The following GCKR variants were observed in gnomAD, a reference collection of about 807,000 sequenced individuals.
The protein encoded by GCKR is glucokinase regulatory protein.
In GCKR, 73 loss-of-function variants were observed where a neutral mutation model predicts 82.9. The ratio of observed to expected loss-of-function variants is 0.88; its 90% CI spans 0.73 to 1.07. The LOEUF (loss-of-function observed/expected upper bound fraction) is 1.07, where lower values mean the gene tolerates loss of function less well. Ranked by LOEUF, GCKR falls within the 50% of genes least tolerant of loss-of-function variation. The probability of loss-of-function intolerance (pLI) is 0.00; values close to 1 mark genes in which losing one functional copy is unlikely to be tolerated. For synonymous variants in GCKR, 294 were observed against 291.8 expected (o/e 1.01, Z -0.08); for missense variants, 784 against 782.1 (o/e 1.00, Z -0.03).
At chr2:27,521,558 G>T (rs1243143641) in intron 17 of GCKR, among the ~76,000 whole-genome samples, 1 of 147,992 alleles carries the variant, frequency 6.8e-6, no homozygotes, top group African/African-American at 2.5e-5. Context: ...GGCCAGGCTG[G>T]TCTCCAACTC....
chr2:27,507,566 G>T, intron 13 of GCKR, 115 bp from the exon 14 acceptor site: 1 of 744,564 alleles, frequency 1.3e-6, no homozygotes. Flanking sequence ...TTGAACTTCA[G>T]CTCTTTCACC....
chr2:27,512,232 T>A (rs1669901899), intron 16 of GCKR, among the ~76,000 whole-genome samples: 4 of 58,166 alleles, frequency 6.9e-5, no homozygotes, highest in South Asian at 8.8e-4. Flanking sequence ...CAAGACTCCA[T>A]CTCAAAAAAA....
chr2:27,509,169 T>G (rs1308624765), intron 16 of GCKR, among the ~76,000 whole-genome samples: 2 of 151,932 alleles, frequency 1.3e-5, no homozygotes, highest in African/African-American at 4.8e-5. Context: ...CCCTGAAGGG[T>G]TGCTCTGGAG....
chr2:27,521,949 C>T (rs1037553417), intron 17 of GCKR, among the ~76,000 whole-genome samples: 3 of 151,990 alleles, frequency 2.0e-5, no homozygotes, highest in Admixed American at 2.0e-4. Flanking sequence ...GTCTCGAACT[C>T]CTGGGCTCAA....
At chr2:27,523,206 G>T in intron 18 of GCKR, 63 bp from the exon 19 acceptor site, 2 of 1,441,260 alleles carry the variant, frequency 1.4e-6, no homozygotes, top group Non-Finnish European at 9.7e-7. Flanking sequence ...ACCTTCCTCC[G>T]GGGTTCTTTC....
intron 4 of GCKR, among the ~76,000 whole-genome samples, 163 bp downstream of exon 4, chr2:27,498,486 C>A (rs1669479883): frequency 6.6e-6 from 1 of 152,188 alleles, no homozygotes; most frequent in African/African-American, 2.4e-5. Flanking sequence ...ACCATGAAGT[C>A]CCATTTCTTC....
rs981943147 is a variant in GCKR, at chr2:27,523,587, C to T, written c.*148C>T. ...CCCAGGGTAGGGAGAAATATTCTCTCCACTTTGGGGGAGAGTTCTTGCTCT... is the reference window on the plus strand; with the variant it reads ...CCCAGGGTAGGGAGAAATATTCTCTTCACTTTGGGGGAGAGTTCTTGCTCT... On this transcript the variant is annotated 3_prime_UTR_variant, in exon 19 of 19. Transcript: ENST00000264717. 8.7e-5 allele frequency: 65 copies of T among 749,580 alleles called. No homozygotes were observed. Among genetic ancestry groups the T allele is most frequent in the Admixed American group, 1.5e-4 (7 of 47,310 alleles). 46.4% of individuals were successfully genotyped at this position (749,580 alleles called of 1,614,324 possible).
chr2:27,518,629 G>A (rs912993677), intron 16 of GCKR, among the ~76,000 whole-genome samples, 159 bp from the exon 17 acceptor site: 1 of 152,180 alleles, frequency 6.6e-6, no homozygotes, highest in Admixed American at 6.5e-5. Flanking sequence ...TACATCTATT[G>A]CCCTAACATT....
intron 14 of GCKR, 22 bp downstream of exon 14, chr2:27,507,799 G>A (rs200962565): frequency 1.4e-6 from 2 of 1,391,598 alleles, no homozygotes; most frequent in East Asian, 4.6e-5. Flanking sequence ...GATGGGAGTG[G>A]TGAGGGGTGG....
intron 8 of GCKR, chr2:27,501,610 T>C (rs1262651989): frequency 1.2e-5 from 5 of 413,862 alleles, no homozygotes; most frequent in Non-Finnish European, 2.5e-5. Context: ...TTCAAAGTAG[T>C]AGTAGTGGGT....
chr2:27,523,264 C>T lies in GCKR; in HGVS notation c.1708-5C>T. On this transcript the variant is annotated splice_polypyrimidine_tract_variant and splice_region_variant and intron_variant, in intron 18 of 18. Coordinates refer to ENST00000264717, the MANE Select transcript of GCKR (RefSeq NM_001486.4). ...GCTTCAGTGCCCACTGCCTCTTCCC[C>T]ACAGGTGATACCCATCGCCTTGCTG... is the stretch of plus-strand genomic sequence containing the variant. 2 of 1,611,250 alleles carry T rather than the reference C, an allele frequency of 1.2e-6. No homozygotes were observed. Among genetic ancestry groups the T allele is most frequent in the Non-Finnish European group, 1.7e-6 (2 of 1,178,788 alleles).
Position 27,498,798 on chromosome 2 carries a change from G to GT in GCKR, c.428+2dup. 6.4e-7 allele frequency: 1 copy of GT among 1,564,982 alleles called. No homozygotes were observed. The highest frequency in any genetic ancestry group is 8.8e-7 in the Non-Finnish European group (1 of 1,135,130). ...CCTACCTCATTGCAGGTGGTGACAG[G>GT]TAAGCCAAGTTAGCCTATGAATATT... On this transcript the variant is annotated splice_donor_variant, in intron 5 of 18. Coordinates refer to ENST00000264717, the MANE Select transcript of GCKR (RefSeq NM_001486.4). LOFTEE classifies it high-confidence loss of function.
chr2:27,497,504 C>A, intron 2 of GCKR, 58 bp from the exon 3 acceptor site: 1 of 1,561,600 alleles, frequency 6.4e-7, no homozygotes, highest in South Asian at 1.1e-5. Flanking sequence ...CCTGAGACCC[C>A]CTCCCCCATT....
intron 16 of GCKR, among the ~76,000 whole-genome samples, chr2:27,514,424 T>C (rs1264280429): frequency 1.3e-5 from 2 of 152,186 alleles, no homozygotes; most frequent in African/African-American, 4.8e-5. Context: ...ATTAGTTTAA[T>C]TAGTTACTGG....
chr2:27,505,125 C>CAAAAAA (rs146563052), intron 9 of GCKR, among the ~76,000 whole-genome samples: 9 of 25,432 alleles, frequency 3.5e-4, no homozygotes, highest in African/African-American at 6.8e-4. Flanking sequence ...GACTCCATCT[C>CAAAAAA]AAAAAAAAAA....
intron 3 of GCKR, 142 bp from the exon 4 acceptor site, chr2:27,498,113 A>T (rs1466136582): frequency 4.4e-6 from 3 of 685,608 alleles, no homozygotes; most frequent in Non-Finnish European, 7.7e-6. Flanking sequence ...GCTACACTAC[A>T]TTGCATGTAT....
intron 16 of GCKR, among the ~76,000 whole-genome samples, chr2:27,510,616 C>A (rs1669858877): frequency 6.6e-6 from 1 of 152,200 alleles, no homozygotes; most frequent in African/African-American, 2.4e-5. Flanking sequence ...CACCCTTATA[C>A]ATACTGGATA....
chr2:27,500,705 G>T (rs1012429377), intron 7 of GCKR, among the ~76,000 whole-genome samples: 2 of 152,176 alleles, frequency 1.3e-5, no homozygotes, highest in Non-Finnish European at 2.9e-5. Context: ...GACCTACTGA[G>T]CATTTTAACA....
At chr2:27,516,347 A>G (rs1256802250) in intron 16 of GCKR, among the ~76,000 whole-genome samples, 2 of 138,444 alleles carry the variant, frequency 1.4e-5, no homozygotes, top group African/African-American at 2.8e-5. Flanking sequence ...TTGGAGTTCA[A>G]TGGTATGATC....
Sources: allele counts gnomAD v4.1 joint callset (sites outside exome capture counted in the v4.1 genomes callset), GRCh38; gene constraint gnomAD v4.1.1; transcripts MANE v1.5; gene names NCBI Gene and HGNC (gene_info 2026-07-23, HGNC 2026-07-21).